Variants in LTN1 observed in about 807,000 individuals in gnomAD.
The protein encoded by LTN1 is listerin E3 ubiquitin protein ligase 1.
Under a neutral mutation model 201.2 loss-of-function variants are expected in LTN1, and 88 were observed. That is an observed-to-expected ratio of 0.44 (90% CI 0.37 to 0.52). The LOEUF (loss-of-function observed/expected upper bound fraction) is 0.52, where lower values mean the gene tolerates loss of function less well. LTN1 is among the 20% of genes least tolerant of loss of function. The pLI is 0.00. For synonymous variants in LTN1, 645 were observed against 713.5 expected, an observed-to-expected ratio of 0.90 and a Z score of 1.53; for missense variants, 1,752 against 2,038.7, an observed-to-expected ratio of 0.86 and a Z score of 2.71.
chr21:28,963,276 T>C (rs1030706937), intron 11 of LTN1, among the ~76,000 whole-genome samples: 1 of 152,218 alleles, frequency 6.6e-6, no homozygotes, highest in Non-Finnish European at 1.5e-5. Flanking sequence ...CTTCCAAGTT[T>C]CAAAGGACTG....
intron 8 of LTN1, among the ~76,000 whole-genome samples, chr21:28,970,295 A>C (rs1264288370): frequency 1.3e-5 from 2 of 152,248 alleles, no homozygotes; most frequent in Non-Finnish European, 2.9e-5. Flanking sequence ...TGTTAAAAAA[A>C]TGGCTAATTT....
At chr21:28,939,339 A>G (rs2146261927) in intron 25 of LTN1, among the ~76,000 whole-genome samples, 1 of 152,308 alleles carries the variant, frequency 6.6e-6, no homozygotes, top group East Asian at 1.9e-4. Context: ...AGGGATGACT[A>G]TATACTAAAA....
intron 13 of LTN1, among the ~76,000 whole-genome samples, chr21:28,959,225 T>C (rs557583638): frequency 7.2e-4 from 109 of 152,350 alleles, no homozygotes; most frequent in African/African-American, 2.6e-3. Context: ...TAATCAATTA[T>C]GGCTCATTCC....
intron 18 of LTN1, 109 bp from the exon 19 acceptor site, chr21:28,947,715 CAT>C: frequency 1.7e-6 from 1 of 598,126 alleles, no homozygotes; most frequent in Non-Finnish European, 2.6e-6. Context: ...AATTCTATCA[CAT>C]ATAATTACAT....
chr21:28,990,137 C>T (rs933447480), intron 1 of LTN1, among the ~76,000 whole-genome samples: 1 of 152,188 alleles, frequency 6.6e-6, no homozygotes, highest in African/African-American at 2.4e-5. Context: ...CCTCCATTCT[C>T]TTCCATTCTC....
rs1419330062 is a variant in LTN1 at position 28,967,130 on chromosome 21, C to T, written c.1361G>A (p.Gly454Glu). 1.9e-6 allele frequency: 3 copies of T among 1,613,786 alleles called. No homozygotes were observed. The highest frequency in any genetic ancestry group is 2.5e-6 in the Non-Finnish European group (3 of 1,179,950). The change falls in exon 10 of 30, where the codon GGG (glycine) becomes GAG (glutamate). Residue 454 changes from glycine to glutamate, a missense_variant. Coordinates refer to ENST00000361371, the MANE Select transcript of LTN1 (RefSeq NM_015565.3). ...TTCTGCTAAATGGTTAAATAGCTGC[C>T]CATGTTGCAATCCTGGGTCTTTGAG... ...AVLKDPGLQH[G>E]QLFNHLAETL...
intron 16 of LTN1, among the ~76,000 whole-genome samples, chr21:28,954,014 T>C (rs2084404903): frequency 6.6e-6 from 1 of 152,224 alleles, no homozygotes; most frequent in Non-Finnish European, 1.5e-5. Flanking sequence ...CATTGTGACC[T>C]GGTTCAAAAT....
intron 7 of LTN1, 65 bp downstream of exon 7, chr21:28,971,206 A>C: frequency 7.8e-7 from 1 of 1,283,026 alleles, no homozygotes; most frequent in Admixed American, 2.5e-5. Context: ...TTTCCCAGTA[A>C]GTTTTGGATA....
chr21:28,971,244 T>C, intron 7 of LTN1, 27 bp downstream of exon 7: 1 of 1,552,202 alleles, frequency 6.4e-7, no homozygotes, highest in South Asian at 1.2e-5. Flanking sequence ...CATTCCTCAG[T>C]GTACTAAATG....
rs189508467 is a variant in LTN1 at position 28,977,595 on chromosome 21, C to T, written c.810+3524G>A. On this transcript the variant is annotated intron_variant, in intron 6 of 29. Transcript: ENST00000361371. Reference sequence around the variant, plus strand: ...TAAATTATCTGGGCATGGTGGCAGGCGCCTCTAATCCCAGCTACTCGGGAG... The same window carrying T: ...TAAATTATCTGGGCATGGTGGCAGGTGCCTCTAATCCCAGCTACTCGGGAG... 1.7e-3 allele frequency among the ~76,000 whole-genome samples: 261 copies of T among 151,892 alleles called. 3 individuals are homozygous for T. The highest frequency in any genetic ancestry group is 6.1e-3 in the African/African-American group (254 of 41,434).
intron 27 of LTN1, among the ~76,000 whole-genome samples, chr21:28,933,078 T>C (rs903875793): frequency 1.3e-5 from 2 of 152,298 alleles, no homozygotes; most frequent in Admixed American, 6.5e-5. Flanking sequence ...CTATCAACTG[T>C]CAGAACATTT....
intron 1 of LTN1, among the ~76,000 whole-genome samples, chr21:28,992,198 G>GCCAGGTAGT: frequency 6.6e-6 from 1 of 152,184 alleles, no homozygotes; most frequent in African/African-American, 2.4e-5. Flanking sequence ...TTGGGAGCCG[G>GCCAGGTAGT]CCAGGTAGTC....
intron 9 of LTN1, among the ~76,000 whole-genome samples, chr21:28,968,678 A>C (rs2084546201): frequency 6.6e-6 from 1 of 151,810 alleles, no homozygotes; most frequent in African/African-American, 2.4e-5. Context: ...CAATGGCACA[A>C]TTTCGGCTCA....
At chr21:28,959,128 T>C (rs927031852) in intron 13 of LTN1, among the ~76,000 whole-genome samples, 2 of 152,228 alleles carry the variant, frequency 1.3e-5, no homozygotes, top group African/African-American at 4.8e-5. Context: ...AAAGGGATAT[T>C]ATTATCCCCC....
intron 6 of LTN1, among the ~76,000 whole-genome samples, chr21:28,979,299 C>A (rs912833493): frequency 6.6e-6 from 1 of 152,192 alleles, no homozygotes; most frequent in Non-Finnish European, 1.5e-5. Flanking sequence ...ACTGACTCAG[C>A]AATTCAGATA....
At chr21:28,987,581 G>A (rs2084707959) in intron 1 of LTN1, among the ~76,000 whole-genome samples, 2 of 152,166 alleles carry the variant, frequency 1.3e-5, no homozygotes, top group South Asian at 4.1e-4. Flanking sequence ...CAATACAACA[G>A]TCAATCTATA....
chr21:28,979,848 T>C (rs973135631), intron 6 of LTN1, among the ~76,000 whole-genome samples: 2 of 152,110 alleles, frequency 1.3e-5, no homozygotes, highest in African/African-American at 4.8e-5. Context: ...GGTGGGCACC[T>C]GTAATCCCAG....
At chr21:28,985,487 G>A (rs971441958) in intron 3 of LTN1, among the ~76,000 whole-genome samples, 3 of 151,172 alleles carry the variant, frequency 2.0e-5, no homozygotes, top group Non-Finnish European at 4.4e-5. Context: ...AAAAAGTTGG[G>A]TCTTCAATAA....
intron 4 of LTN1, among the ~76,000 whole-genome samples, chr21:28,982,948 C>T (rs1171652489): frequency 6.6e-6 from 1 of 152,220 alleles, no homozygotes; most frequent in Non-Finnish European, 1.5e-5. Context: ...CCATGAAGTA[C>T]AAGTTAATTC....
Sources: gnomAD v4.1 joint callset for allele counts (sites outside exome capture counted in the v4.1 genomes callset) on GRCh38, gnomAD v4.1.1 for gene constraint, MANE v1.5 for transcripts, NCBI Gene and HGNC (gene_info 2026-07-23, HGNC 2026-07-21) for gene names.